The following GALNT13 variants were observed in gnomAD, a reference collection of about 807,000 sequenced individuals.
The protein encoded by GALNT13 is UDP-GalNAc:polypeptide N-acetylgalactosaminyltransferase 13.
Under a neutral mutation model 64.2 loss-of-function variants are expected in GALNT13, and 28 were observed. That is an observed-to-expected ratio of 0.44 (90% CI 0.32 to 0.60). GALNT13 has a LOEUF of 0.60. GALNT13 is among the 20% of genes least tolerant of loss of function. The pLI, the probability that GALNT13 is intolerant of heterozygous loss-of-function variation, is 0.05. For missense variants in GALNT13, 577 were observed against 669.8 expected (o/e 0.86, Z 1.53); for synonymous variants, 214 against 224.6 (o/e 0.95, Z 0.42).
chr2:153,480,007 C>T, the GALNT13 span, among the ~76,000 whole-genome samples: 1 of 152,124 alleles, frequency 6.6e-6, no homozygotes, highest in Non-Finnish European at 1.5e-5. Context: ...CAATAGAATA[C>T]ATTTACTTTC....
chr2:153,093,884 T>A, the GALNT13 span, among the ~76,000 whole-genome samples: 2 of 152,182 alleles, frequency 1.3e-5, no homozygotes, highest in Non-Finnish European at 2.9e-5. Flanking sequence ...GGTTTTGGAT[T>A]TCTTCCTGGT....
At chr2:154,150,735 C>G (rs1278623331) in intron 4 of GALNT13, among the ~76,000 whole-genome samples, 3 of 152,168 alleles carry the variant, frequency 2.0e-5, no homozygotes, top group African/African-American at 7.2e-5. Context: ...TTGTAGTATT[C>G]TCAGATGGTA....
chr2:153,144,739 G>T, the GALNT13 span, among the ~76,000 whole-genome samples: 1 of 151,796 alleles, frequency 6.6e-6, no homozygotes, highest in Non-Finnish European at 1.5e-5. Flanking sequence ...TCATGTCTGG[G>T]GAAAAGCAGT....
In GALNT13 at chr2:154,080,280, A is replaced by G. The variant is rs1701207934; in HGVS notation, c.143-60057A>G. On this transcript the variant is annotated intron_variant, in intron 3 of 12. Coordinates refer to ENST00000392825, the MANE Select transcript of GALNT13 (RefSeq NM_052917.4). Reference sequence around the variant, plus strand: ...TTTCCCATTCCCCCACTGTTGATCAAATAAAGCTATGGAAAAAGAAGGAGA... The same window carrying G: ...TTTCCCATTCCCCCACTGTTGATCAGATAAAGCTATGGAAAAAGAAGGAGA... 2.0e-5 allele frequency among the ~76,000 whole-genome samples: 3 copies of G among 151,582 alleles called. No homozygotes were observed. The Admixed American group carries it at 2.0e-4, about 10-fold the overall frequency.
the GALNT13 span, among the ~76,000 whole-genome samples, chr2:153,439,888 A>C: frequency 3.9e-5 from 6 of 152,104 alleles, no homozygotes; most frequent in African/African-American, 1.4e-4. Context: ...GAAATGCAGA[A>C]ATCACCCGTT....
At chr2:154,205,296 A>G (rs995934487) in intron 4 of GALNT13, among the ~76,000 whole-genome samples, 1 of 152,180 alleles carries the variant, frequency 6.6e-6, no homozygotes, top group Admixed American at 6.5e-5. Context: ...TGTCTTAAAA[A>G]GTTTTTTATT....
chr2:154,295,296 G>A (rs1469270960), intron 8 of GALNT13, among the ~76,000 whole-genome samples: 2 of 151,584 alleles, frequency 1.3e-5, no homozygotes, highest in Non-Finnish European at 2.9e-5. Context: ...ATGTTATTTA[G>A]CACTGATTTT....
At chr2:153,494,736 G>GA in the GALNT13 span, among the ~76,000 whole-genome samples, 4 of 151,780 alleles carry the variant, frequency 2.6e-5, no homozygotes, top group African/African-American at 9.7e-5. Context: ...AGTAATCCAA[G>GA]AAAAAAATGG....
chr2:154,446,899 T>G (rs911698603), intron 12 of GALNT13: 7 of 865,362 alleles, frequency 8.1e-6, no homozygotes, highest in Non-Finnish European at 1.1e-5. Context: ...ACTCTCTGTC[T>G]TTTACTTCCT....
chr2:153,972,967 G>T (rs1381356832), intron 3 of GALNT13, among the ~76,000 whole-genome samples: 1 of 152,000 alleles, frequency 6.6e-6, no homozygotes, highest in African/African-American at 2.4e-5. Context: ...CACAATCTTA[G>T]AATTCATGTA....
the GALNT13 span, among the ~76,000 whole-genome samples, chr2:153,750,430 A>T: frequency 1.1e-3 from 160 of 152,046 alleles, no homozygotes; most frequent in African/African-American, 3.7e-3. Flanking sequence ...GTTTCATAGA[A>T]TTCAGCATTG....
At chr2:154,292,956 TA>T (rs1370268199) in intron 8 of GALNT13, among the ~76,000 whole-genome samples, 3 of 152,250 alleles carry the variant, frequency 2.0e-5, no homozygotes, top group Non-Finnish European at 2.9e-5. Flanking sequence ...GCAGGGGAAA[TA>T]GAGTAGATAA....
chr2:153,225,584 C>T, the GALNT13 span, among the ~76,000 whole-genome samples: 1 of 151,966 alleles, frequency 6.6e-6, no homozygotes, highest in East Asian at 1.9e-4. Flanking sequence ...CAAAAAAATT[C>T]CAAAACATCT....
the GALNT13 span, among the ~76,000 whole-genome samples, chr2:153,666,409 A>G: frequency 1.7e-5 from 2 of 118,082 alleles, no homozygotes; most frequent in African/African-American, 6.2e-5. Context: ...TGCATGCATA[A>G]GAGTGGACCC....
At chr2:153,766,734 G>A in the GALNT13 span, among the ~76,000 whole-genome samples, 4 of 151,532 alleles carry the variant, frequency 2.6e-5, no homozygotes, top group Admixed American at 1.3e-4. Context: ...TTCTTTATTA[G>A]TGTTCTCATT....
intron 3 of GALNT13, among the ~76,000 whole-genome samples, chr2:154,121,973 T>G (rs945450804): frequency 6.6e-6 from 1 of 152,118 alleles, no homozygotes; most frequent in Non-Finnish European, 1.5e-5. Context: ...TTTTGTTGGT[T>G]TAGGTTTTTG....
At chr2:153,588,820 T>C in the GALNT13 span, among the ~76,000 whole-genome samples, 1 of 152,218 alleles carries the variant, frequency 6.6e-6, no homozygotes, top group South Asian at 2.1e-4. Context: ...CTTATAAAAC[T>C]GAATGCCTTT....
chr2:153,999,485 T>A (rs1695752108), intron 3 of GALNT13, among the ~76,000 whole-genome samples: 1 of 152,082 alleles, frequency 6.6e-6, no homozygotes, highest in Non-Finnish European at 1.5e-5. Context: ...TGAAGTATGG[T>A]ATTTCTATGC....
chr2:153,914,376 C>T (rs1166147279), intron 2 of GALNT13, among the ~76,000 whole-genome samples: 1 of 150,262 alleles, frequency 6.7e-6, no homozygotes, highest in Admixed American at 6.7e-5. Flanking sequence ...TCCCAGCTAC[C>T]TGGGAGGCTG....
Sources: gnomAD v4.1 joint callset for allele counts (sites outside exome capture counted in the v4.1 genomes callset) on GRCh38, gnomAD v4.1.1 for gene constraint, MANE v1.5 for transcripts, NCBI Gene and HGNC (gene_info 2026-07-23, HGNC 2026-07-21) for gene names.